The following MTR variants were observed in gnomAD, a reference collection of about 807,000 sequenced individuals.
The protein encoded by MTR is 5-methyltetrahydrofolate-homocysteine methyltransferase, also known as methionine synthase.
A neutral mutation model predicts 154.8 loss-of-function variants in MTR; 84 were observed. The ratio of observed to expected loss-of-function variants is 0.54; its 90% CI spans 0.45 to 0.65. The LOEUF (loss-of-function observed/expected upper bound fraction) is 0.65. Ranked by LOEUF, MTR falls within the 30% of genes least tolerant of loss-of-function variation. MTR has a pLI of 0.00. For synonymous variants in MTR, 554 were observed against 553.9 expected, an observed-to-expected ratio of 1.00 and a Z score of 0.00; for missense variants, 1,275 against 1,570.2, an observed-to-expected ratio of 0.81 and a Z score of 3.18.
intron 15 of MTR, among the ~76,000 whole-genome samples, chr1:236,839,011 CAG>C (rs1314182467): frequency 3.3e-5 from 5 of 152,098 alleles, no homozygotes; most frequent in Admixed American, 6.5e-5. Flanking sequence ...CGTATCGAAA[CAG>C]AAAATTTACA....
chr1:236,861,016 T>G, intron 19 of MTR, 109 bp from the exon 20 acceptor site: 1 of 938,414 alleles, frequency 1.1e-6, no homozygotes, highest in Admixed American at 2.8e-5. Flanking sequence ...TTCTGGAACC[T>G]GTGCTGTTAG....
chr1:236,889,465 C>T (rs1452542554), intron 28 of MTR, 129 bp downstream of exon 28: 1 of 1,221,676 alleles, frequency 8.2e-7, no homozygotes, highest in African/African-American at 1.5e-5. Flanking sequence ...ATATTGCTCA[C>T]CTGCCCAACT....
Position 236,897,449 on chromosome 1 carries a change from TAAGAC to T in MTR, c.3712-104_3712-100del, listed in dbSNP as rs1666727845. ...TCCATTTAACTCTGTAGATTGCTATTAAGACAAGAAATGCAAGGTACTTAATGTTT... is the reference window on the plus strand; with the variant it reads ...TCCATTTAACTCTGTAGATTGCTATTAAGAAATGCAAGGTACTTAATGTTT... On this transcript the variant is annotated intron_variant, in intron 32 of 32. Transcript: ENST00000366577. 8 of 1,092,830 alleles carry T rather than the reference TAAGAC, an allele frequency of 7.3e-6. No homozygotes were observed. The East Asian group carries it at 1.9e-4, about 26-fold the overall frequency. The allele number at this position is 1,092,830 out of a possible 1,614,324, so 67.7% of individuals were successfully genotyped here.
chr1:236,852,905 A>C (rs752093334), intron 17 of MTR, 43 bp from the exon 18 acceptor site: 28 of 1,611,402 alleles, frequency 1.7e-5, no homozygotes, highest in Non-Finnish European at 2.4e-5. Flanking sequence ...CGCTGACTTA[A>C]GGTATCACTG....
rs761815916 is a variant in MTR at position 236,873,824 on chromosome 1, T to C, written c.2457T>C (p.Ala819=). ...CATGTGATAAGATACTGAAAGCTGC[T>C]CTTGACCACAAAGCAGGTACTGTGC... ...MTPCDKILKA[A]LDHKADIIGL... The change falls in exon 23 of 33, where the codon GCT becomes GCC. Residue 819 remains alanine (A), a synonymous_variant. Coordinates refer to ENST00000366577, the MANE Select transcript of MTR (RefSeq NM_000254.3). 1 of 1,614,156 alleles carries C rather than the reference T, an allele frequency of 6.2e-7. No homozygotes were observed. The highest frequency in any genetic ancestry group is 8.5e-7 in the Non-Finnish European group (1 of 1,179,958).
chr1:236,895,358 G>C lies in MTR; in HGVS notation c.3406G>C (p.Ala1136Pro), dbSNP rs183827423. ...CATGCCTGCTGCTTTGGGTCCCAAG[G>C]CCTTTGCAGAAGAGCTCCATGAAAG... ...VKALGDRLAE[A>P]FAEELHERVR... is the part of the protein sequence containing the mutation. The change falls in exon 31 of 33, where the codon GCC becomes CCC. Residue 1136 changes from alanine (A) to proline (P), a missense_variant and splice_region_variant. Transcript: ENST00000366577. The C allele has an allele frequency of 6.3e-7, 1 of 1,593,500 alleles. No individual in the cohort carries two copies. Among genetic ancestry groups the C allele is most frequent in the East Asian group, 2.3e-5 (1 of 44,290 alleles).
chr1:236,840,533 G>A (rs1277493570), intron 15 of MTR, among the ~76,000 whole-genome samples: 1 of 152,130 alleles, frequency 6.6e-6, no homozygotes, highest in East Asian at 1.9e-4. Flanking sequence ...CCTCTGAGGA[G>A]GCAACATTTG....
At chr1:236,849,978 T>G (rs1663805006) in intron 15 of MTR, among the ~76,000 whole-genome samples, 1 of 152,180 alleles carries the variant, frequency 6.6e-6, no homozygotes, top group South Asian at 2.1e-4. Context: ...AGTATTTGAT[T>G]TTTTATCATA....
chr1:236,886,066 A>C (rs1665992470), intron 26 of MTR, among the ~76,000 whole-genome samples: 1 of 152,144 alleles, frequency 6.6e-6, no homozygotes. Flanking sequence ...TCGTATTTAT[A>C]TATCAGCAGT....
intron 29 of MTR, among the ~76,000 whole-genome samples, chr1:236,893,002 G>A (rs1405281629): frequency 6.6e-6 from 1 of 152,136 alleles, no homozygotes; most frequent in African/African-American, 2.4e-5. Flanking sequence ...CTCAGGAGGG[G>A]CTTTCCTCCA....
chr1:236,891,777 G>A (rs1666338205), intron 29 of MTR, among the ~76,000 whole-genome samples: 1 of 152,208 alleles, frequency 6.6e-6, no homozygotes, highest in Non-Finnish European at 1.5e-5. Context: ...TATACCAGGT[G>A]CCAGGTGCAT....
At chr1:236,798,899 C>G (rs528931718) in intron 1 of MTR, among the ~76,000 whole-genome samples, 12 of 152,246 alleles carry the variant, frequency 7.9e-5, no homozygotes, top group African/African-American at 2.9e-4. Flanking sequence ...TTCTTTTGAG[C>G]AAGTTCTGAT....
chr1:236,803,688 C>A (rs185727541), intron 2 of MTR, 46 bp downstream of exon 2: 3 of 1,568,364 alleles, frequency 1.9e-6, no homozygotes, highest in African/African-American at 2.7e-5. Context: ...TGTTATTCTG[C>A]AAGCTGTTTC....
chr1:236,822,115 A>T (rs1198873412), intron 8 of MTR, among the ~76,000 whole-genome samples: 1 of 152,102 alleles, frequency 6.6e-6, no homozygotes, highest in East Asian at 1.9e-4. Context: ...TTTCATTGGG[A>T]TTCTGTTGAA....
chr1:236,825,158 T>TTTTTTTTTTTA (rs60641434), intron 9 of MTR, among the ~76,000 whole-genome samples, 180 bp from the exon 10 acceptor site: 1 of 142,540 alleles, frequency 7.0e-6, no homozygotes, highest in African/African-American at 2.6e-5. Flanking sequence ...TTTTTTTTTT[T>TTTTTTTTTTTA]AGTTTTTTGG....
rs1386565264 is a variant in MTR, at chr1:236,886,337, C to T, written c.2821C>T (p.Gln941Ter). The T allele has an allele frequency of 6.2e-7, 1 of 1,613,960 alleles. No individual in the cohort carries two copies. The highest frequency in any genetic ancestry group is 8.5e-7 in the Non-Finnish European group (1 of 1,180,030). Residue 941 changes from glutamine (Q) to a stop codon, truncating the protein, a stop_gained, in exon 27 of 33, where the codon CAA becomes TAA. Coordinates refer to ENST00000366577, the MANE Select transcript of MTR (RefSeq NM_000254.3). LOFTEE classifies it high-confidence loss of function. ...AAGTCAAGCCAGAAAAAGTGGTTTCCAAATGGATTGGCTGTCTGAACCTCA... is the reference window on the plus strand; with the variant it reads ...AAGTCAAGCCAGAAAAAGTGGTTTCTAAATGGATTGGCTGTCTGAACCTCA... The part of the protein sequence containing the change: ...PLSQARKSGF[Q>*]MDWLSEPHPV...
chr1:236,808,804 C>T (rs368835254), intron 4 of MTR, 31 bp downstream of exon 4: 106 of 1,599,522 alleles, frequency 6.6e-5, no homozygotes, highest in Middle Eastern at 6.6e-4. Context: ...TTTTTGCACA[C>T]GTGGTTCCTT....
chr1:236,822,255 A>T (rs1025858208), intron 8 of MTR, among the ~76,000 whole-genome samples: 13 of 148,932 alleles, frequency 8.7e-5, no homozygotes, highest in Non-Finnish European at 1.3e-4. Flanking sequence ...TTTCATATAG[A>T]TCCAAATATT....
intron 14 of MTR, among the ~76,000 whole-genome samples, chr1:236,836,421 G>C (rs1357247192): frequency 1.3e-5 from 2 of 152,118 alleles, no homozygotes; most frequent in African/African-American, 2.4e-5. Flanking sequence ...TTTTAGTAGA[G>C]AGGTCGGGTC....
Sources: allele counts gnomAD v4.1 joint callset (sites outside exome capture counted in the v4.1 genomes callset), GRCh38; gene constraint gnomAD v4.1.1; transcripts MANE v1.5; gene names NCBI Gene and HGNC (gene_info 2026-07-23, HGNC 2026-07-21).